Variants in IL1RAPL1 observed in about 807,000 individuals in gnomAD.
IL1RAPL1 encodes interleukin-1 receptor accessory protein-like 1.
A neutral mutation model predicts 48.4 loss-of-function variants in IL1RAPL1; 3 were observed. The observed-to-expected ratio is 0.06, with a 90% CI of 0.03 to 0.16. The LOEUF is 0.16. IL1RAPL1 is among the 10% of genes least tolerant of loss of function. IL1RAPL1 has a pLI of 1.00. For synonymous variants in IL1RAPL1, 185 were observed against 187.7 expected, an observed-to-expected ratio of 0.99 and a Z score of 0.12; for missense variants, 349 against 530.6, an observed-to-expected ratio of 0.66 and a Z score of 3.36.
chrX:29,280,261 C>T (rs1457829560), intron 2 of IL1RAPL1, among the ~76,000 whole-genome samples: 1 of 111,705 alleles, frequency 9.0e-6, no homozygotes, highest in East Asian at 2.8e-4. Context: ...ACGTGGTATG[C>T]CAGCTCTACA....
intron 3 of IL1RAPL1, among the ~76,000 whole-genome samples, chrX:29,288,551 C>T (rs768597122): frequency 9.0e-6 from 1 of 111,657 alleles, no homozygotes; most frequent in African/African-American, 3.3e-5. Context: ...TTCTTTATCC[C>T]GTCTATCATT....
intron 3 of IL1RAPL1, among the ~76,000 whole-genome samples, chrX:29,306,326 C>G (rs1156329703): frequency 9.2e-6 from 1 of 109,268 alleles, no homozygotes; most frequent in Non-Finnish European, 1.9e-5. Context: ...GTCAGGAGAT[C>G]AAGACTATCC....
chrX:29,388,668 A>T (rs1466809881), intron 3 of IL1RAPL1, among the ~76,000 whole-genome samples: 1 of 112,345 alleles, frequency 8.9e-6, no homozygotes, highest in Non-Finnish European at 1.9e-5. Context: ...TAAGTAAAAG[A>T]AGCCAGATAC....
At chrX:29,340,419 T>C (rs891269572) in intron 3 of IL1RAPL1, among the ~76,000 whole-genome samples, 1 of 112,205 alleles carries the variant, frequency 8.9e-6, no homozygotes. Flanking sequence ...TTATATTTAA[T>C]ATAAATGAAT....
At chrX:29,528,950 G>A (rs1015827845) in intron 5 of IL1RAPL1, among the ~76,000 whole-genome samples, 2 of 110,903 alleles carry the variant, frequency 1.8e-5, no homozygotes, top group Non-Finnish European at 1.9e-5. Flanking sequence ...TCTTGTGTGT[G>A]CCTCCAGATG....
chrX:28,985,983 G>T (rs1279826122), intron 2 of IL1RAPL1, among the ~76,000 whole-genome samples: 1 of 111,967 alleles, frequency 8.9e-6, no homozygotes, highest in Non-Finnish European at 1.9e-5. Context: ...TTTTTAAAAG[G>T]TTGTCCATTT....
At chrX:29,600,707 T>G (rs920634053) in intron 5 of IL1RAPL1, among the ~76,000 whole-genome samples, 4 of 110,767 alleles carry the variant, frequency 3.6e-5, no homozygotes, top group Non-Finnish European at 7.6e-5. Flanking sequence ...GATAGGAGTG[T>G]CTGAGCTCAG....
intron 6 of IL1RAPL1, among the ~76,000 whole-genome samples, chrX:29,814,894 T>C (rs1229648467): frequency 1.8e-5 from 2 of 110,955 alleles, no homozygotes; most frequent in East Asian, 2.8e-4. Flanking sequence ...GGTTGTAGGG[T>C]GTGTGGCTTT....
intron 3 of IL1RAPL1, among the ~76,000 whole-genome samples, chrX:29,286,544 C>T (rs995898497): frequency 9.1e-6 from 1 of 110,430 alleles, no homozygotes; most frequent in East Asian, 2.8e-4. Flanking sequence ...TAAAAATTAG[C>T]CTGGTGTGGT....
chrX:29,230,529 A>AAAAAAAAAAAAAAAAAAAAAAC (rs869274263), intron 2 of IL1RAPL1, among the ~76,000 whole-genome samples: 1 of 98,638 alleles, frequency 1.0e-5, no homozygotes, highest in African/African-American at 3.8e-5. Flanking sequence ...AAAAAAAAAA[A>AAAAAAAAAAAAAAAAAAAAAAC]AAAAAACCTT....
intron 1 of IL1RAPL1, among the ~76,000 whole-genome samples, chrX:28,774,975 T>A (rs1465423381): frequency 8.9e-6 from 1 of 111,993 alleles, no homozygotes; most frequent in Non-Finnish European, 1.9e-5. Context: ...TACAAATTAT[T>A]CACCAAGTCT....
rs1299976480 is a variant in IL1RAPL1 at position 28,935,923 on chromosome X, T to C, written c.82+146498T>C. 2.7e-5 allele frequency among the ~76,000 whole-genome samples: 3 copies of C among 111,540 alleles called. No homozygotes were observed. The East Asian group carries it at 8.6e-4, about 32-fold the overall frequency. On this transcript the variant is annotated intron_variant, in intron 2 of 10. Transcript: ENST00000378993. ...TGAAGACTAGGTTTGTGCCTAGACA[T>C]AGAAACGGGGTGTAAAAGGGTTTAA... is the stretch of plus-strand genomic sequence containing the variant.
At chrX:29,411,604 G>A (rs1323667937) in intron 5 of IL1RAPL1, among the ~76,000 whole-genome samples, 1 of 110,948 alleles carries the variant, frequency 9.0e-6, no homozygotes, top group Non-Finnish European at 1.9e-5. Context: ...AAATGATACA[G>A]TCATCCTTTC....
At chrX:28,704,812 AC>A in intron 1 of IL1RAPL1, among the ~76,000 whole-genome samples, 3 of 51,151 alleles carry the variant, frequency 5.9e-5, no homozygotes, top group Non-Finnish European at 1.0e-4. Context: ...ACACACACAC[AC>A]ACACACACAC....
At chrX:29,534,621 G>A (rs1367036916) in intron 5 of IL1RAPL1, among the ~76,000 whole-genome samples, 1 of 110,786 alleles carries the variant, frequency 9.0e-6, no homozygotes, top group Non-Finnish European at 1.9e-5. Context: ...GATGGCTTGA[G>A]TTCAGGAGTT....
At chrX:28,649,843 A>T (rs1439899351) in intron 1 of IL1RAPL1, among the ~76,000 whole-genome samples, 1 of 111,755 alleles carries the variant, frequency 8.9e-6, no homozygotes. Context: ...CCTGTTTGCT[A>T]CCAGAAAGCA....
At chrX:28,990,072 A>T (rs1472823333) in intron 2 of IL1RAPL1, among the ~76,000 whole-genome samples, 1 of 111,253 alleles carries the variant, frequency 9.0e-6, no homozygotes, top group Non-Finnish European at 1.9e-5. Flanking sequence ...AACTTACACT[A>T]TAGTAACCAA....
chrX:29,732,350 A>C (rs1265995731), intron 6 of IL1RAPL1, among the ~76,000 whole-genome samples: 1 of 111,925 alleles, frequency 8.9e-6, no homozygotes, highest in Non-Finnish European at 1.9e-5. Flanking sequence ...GGGACAAAGT[A>C]ATTCATCTGA....
At chrX:29,412,816 T>C (rs1934161620) in intron 5 of IL1RAPL1, among the ~76,000 whole-genome samples, 1 of 112,057 alleles carries the variant, frequency 8.9e-6, no homozygotes, top group African/African-American at 3.2e-5. Context: ...AATGTTGTCT[T>C]AGTGTTGAGA....
Sources: allele counts gnomAD v4.1 joint callset (sites outside exome capture counted in the v4.1 genomes callset), GRCh38; gene constraint gnomAD v4.1.1; transcripts MANE v1.5; gene names NCBI Gene and HGNC (gene_info 2026-07-23, HGNC 2026-07-21).